The following ACBD6 variants were observed in gnomAD, a reference collection of about 807,000 sequenced individuals.
ACBD6 encodes the protein acyl-CoA-binding domain-containing protein 6.
Under a neutral mutation model 37.2 loss-of-function variants are expected in ACBD6, and 28 were observed. The ratio of observed to expected loss-of-function variants is 0.75; its 90% CI spans 0.56 to 1.03. The LOEUF (loss-of-function observed/expected upper bound fraction) is 1.03. ACBD6 is among the 50% of genes least tolerant of loss of function. ACBD6 has a pLI of 0.00. For missense variants in ACBD6, 340 were observed against 337.4 expected, an observed-to-expected ratio of 1.01 and a Z score of -0.06; for synonymous variants, 113 against 126.8, an observed-to-expected ratio of 0.89 and a Z score of 0.73.
At chr1:180,399,809 A>T (rs1647268817) in intron 5 of ACBD6, among the ~76,000 whole-genome samples, 1 of 152,244 alleles carries the variant, frequency 6.6e-6, no homozygotes, top group Admixed American at 6.5e-5. Context: ...TTAATACATT[A>T]AAAGAATCAG....
intron 6 of ACBD6, among the ~76,000 whole-genome samples, chr1:180,374,679 T>C (rs1653372400): frequency 6.6e-6 from 1 of 152,140 alleles, no homozygotes; most frequent in South Asian, 2.1e-4. Context: ...GACTCTTGAA[T>C]TAAAATCACA....
intron 6 of ACBD6, among the ~76,000 whole-genome samples, chr1:180,377,188 T>G (rs540170925): frequency 1.5e-4 from 23 of 152,124 alleles, no homozygotes; most frequent in Non-Finnish European, 3.4e-4. Context: ...AAGGAAAGGC[T>G]AAACTAAACC....
downstream of ACBD6, chr1:180,287,387 G>A (rs1190831828): frequency 6.8e-6 from 1 of 146,418 alleles, no homozygotes; most frequent in Non-Finnish European, 1.5e-5. Flanking sequence ...TTCAGCCTGG[G>A]TGACATAGCG....
intron 6 of ACBD6, among the ~76,000 whole-genome samples, chr1:180,368,261 C>G (rs533367871): frequency 6.6e-6 from 1 of 151,926 alleles, no homozygotes; most frequent in Non-Finnish European, 1.5e-5. Context: ...AAGTTATTTA[C>G]AGATGCTGGG....
intron 6 of ACBD6, among the ~76,000 whole-genome samples, chr1:180,388,057 T>G (rs568581577): frequency 1.3e-5 from 2 of 151,828 alleles, no homozygotes; most frequent in East Asian, 1.9e-4. Context: ...GCACCTGTAG[T>G]CCCAGCTACT....
intron 7 of ACBD6, among the ~76,000 whole-genome samples, chr1:180,301,369 C>T (rs972172285): frequency 2.6e-5 from 4 of 152,004 alleles, no homozygotes; most frequent in Non-Finnish European, 4.4e-5. Context: ...TGACTAGTAG[C>T]CTTACCAGTA....
chr1:180,390,401 T>C (rs1408862726), intron 6 of ACBD6, among the ~76,000 whole-genome samples: 2 of 151,158 alleles, frequency 1.3e-5, no homozygotes, highest in Admixed American at 1.3e-4. Flanking sequence ...TTTTGGTTAC[T>C]GTAGCCTTGT....
intron 4 of ACBD6, among the ~76,000 whole-genome samples, chr1:180,416,640 T>C (rs956312529): frequency 1.3e-5 from 2 of 152,202 alleles, no homozygotes; most frequent in Non-Finnish European, 2.9e-5. Context: ...TTTTCTGAAA[T>C]TGACAGCAAA....
chr1:180,338,116 T>C (rs529210209), intron 6 of ACBD6, among the ~76,000 whole-genome samples: 2 of 152,210 alleles, frequency 1.3e-5, no homozygotes, highest in East Asian at 1.9e-4. Flanking sequence ...CAAGGTAATT[T>C]ATAGATTCAA....
At chr1:180,340,930 A>T (rs1296822011) in intron 6 of ACBD6, among the ~76,000 whole-genome samples, 1 of 152,092 alleles carries the variant, frequency 6.6e-6, no homozygotes, top group Admixed American at 6.6e-5. Context: ...AATTTTGAGG[A>T]GAGAAGAGAA....
At chr1:180,450,652 C>A (rs528709579) in intron 3 of ACBD6, among the ~76,000 whole-genome samples, 1 of 151,940 alleles carries the variant, frequency 6.6e-6, no homozygotes, top group Non-Finnish European at 1.5e-5. Flanking sequence ...CCCAGCTATT[C>A]GGGAGGCTGA....
intron 6 of ACBD6, among the ~76,000 whole-genome samples, chr1:180,319,660 C>G (rs1410698072): frequency 6.6e-6 from 1 of 152,150 alleles, no homozygotes; most frequent in Non-Finnish European, 1.5e-5. Context: ...CCCTGCAACC[C>G]TTCCCAGCCT....
chr1:180,393,659 C>T (rs1367569783), intron 6 of ACBD6, among the ~76,000 whole-genome samples: 1 of 152,096 alleles, frequency 6.6e-6, no homozygotes, highest in Admixed American at 6.6e-5. Context: ...GAAGATATTA[C>T]AAGCAAAAGA....
chr1:180,490,454 C>G (rs1651448014), intron 3 of ACBD6, among the ~76,000 whole-genome samples: 2 of 149,968 alleles, frequency 1.3e-5, no homozygotes, highest in Non-Finnish European at 3.0e-5. Context: ...ATCAGCCTGG[C>G]CAACATGGCA....
chr1:180,332,714 G>A (rs1651532552), intron 6 of ACBD6, among the ~76,000 whole-genome samples: 3 of 152,018 alleles, frequency 2.0e-5, no homozygotes, highest in Non-Finnish European at 2.9e-5. Context: ...ATATTGCAAT[G>A]TAATAATAAT....
chr1:180,400,024 A>G (rs1647285748), intron 5 of ACBD6, among the ~76,000 whole-genome samples: 1 of 152,148 alleles, frequency 6.6e-6, no homozygotes, highest in Non-Finnish European at 1.5e-5. Flanking sequence ...GATAATTTCT[A>G]TCTCTCAGCC....
intron 7 of ACBD6, among the ~76,000 whole-genome samples, chr1:180,311,983 T>C (rs1215332355): frequency 4.6e-5 from 7 of 152,250 alleles, no homozygotes; most frequent in African/African-American, 1.7e-4. Context: ...TTCATTATTA[T>C]AGCTGTAAGA....
chr1:180,389,749 C>T (rs1329553854), intron 6 of ACBD6, among the ~76,000 whole-genome samples: 2 of 152,130 alleles, frequency 1.3e-5, no homozygotes, highest in Non-Finnish European at 2.9e-5. Context: ...TCTCTGATGG[C>T]CAGTGATGGT....
intron 6 of ACBD6, among the ~76,000 whole-genome samples, chr1:180,315,480 A>G (rs1200603422): frequency 6.6e-6 from 1 of 152,226 alleles, no homozygotes; most frequent in Non-Finnish European, 1.5e-5. Flanking sequence ...CTTCATAAGC[A>G]CTTTGTAATA....
Sources: gnomAD v4.1 joint callset for allele counts (sites outside exome capture counted in the v4.1 genomes callset) on GRCh38, gnomAD v4.1.1 for gene constraint, MANE v1.5 for transcripts, NCBI Gene and HGNC (gene_info 2026-07-23, HGNC 2026-07-21) for gene names.